Variants in CALN1 observed in about 807,000 individuals in gnomAD.
CALN1 encodes the protein calneuron 1.
In CALN1, 17 loss-of-function variants were observed where a neutral mutation model predicts 30.6. The ratio of observed to expected loss-of-function variants is 0.56; its 90% CI spans 0.38 to 0.83. The LOEUF is 0.83. CALN1 is among the 40% of genes least tolerant of loss of function. The pLI is 0.00. For missense variants in CALN1, 291 were observed against 354.9 expected (o/e 0.82, Z 1.45); for synonymous variants, 156 against 131.4 (o/e 1.19, Z -1.28).
chr7:72,099,756 A>C (rs1806511219), intron 4 of CALN1, among the ~76,000 whole-genome samples: 2 of 152,314 alleles, frequency 1.3e-5, no homozygotes, highest in African/African-American at 4.8e-5. Context: ...ACAAAACTTC[A>C]AGGAAGCTGA....
intron 3 of CALN1, among the ~76,000 whole-genome samples, chr7:72,169,794 A>T (rs1788808948): frequency 1.3e-5 from 2 of 149,020 alleles, no homozygotes; most frequent in South Asian, 4.3e-4. Context: ...GGTTCAAGCA[A>T]TTCTCCCTGC....
intron 4 of CALN1, among the ~76,000 whole-genome samples, chr7:72,090,680 T>C (rs1012389157): frequency 2.6e-5 from 4 of 152,198 alleles, no homozygotes; most frequent in African/African-American, 9.6e-5. Flanking sequence ...TCTATCCAAG[T>C]GTCCATCAAT....
At chr7:72,408,476 C>T (rs1423224912) in intron 1 of CALN1, among the ~76,000 whole-genome samples, 1 of 151,676 alleles carries the variant, frequency 6.6e-6, no homozygotes, top group Non-Finnish European at 1.5e-5. Flanking sequence ...ATAATAAAGA[C>T]AAAGACTCTC....
intron 6 of CALN1, among the ~76,000 whole-genome samples, chr7:71,788,492 T>TTG (rs1491132772): frequency 5.3e-4 from 59 of 111,502 alleles, no homozygotes; most frequent in Non-Finnish European, 1.2e-4. Flanking sequence ...TTTTTTGTTG[T>TTG]TTTTTTTTTT....
chr7:72,154,112 C>T (rs1051748380), intron 3 of CALN1, among the ~76,000 whole-genome samples: 1 of 151,910 alleles, frequency 6.6e-6, no homozygotes, highest in African/African-American at 2.4e-5. Context: ...AAGCCTCAGG[C>T]TAGATCACAG....
chr7:72,106,078 C>G lies in CALN1; in HGVS notation c.388+73G>C, dbSNP rs1295756544. 4 of 1,552,160 alleles carry G rather than the reference C, an allele frequency of 2.6e-6. No individual in the cohort carries two copies. In the African/African-American group the frequency reaches 4.1e-5, roughly 16 times the overall value. The stretch of plus-strand genomic sequence containing the variant: ...TCTCTGGATTTAAAAGTGCAAGGCC[C>G]TGCATAAACCGAAGGTCTCACTGAT... On this transcript the variant is annotated intron_variant, in intron 4 of 6. Transcript: ENST00000395275.
At chr7:72,231,849 A>C in intron 3 of CALN1, among the ~76,000 whole-genome samples, 1 of 152,184 alleles carries the variant, frequency 6.6e-6, no homozygotes, top group East Asian at 1.9e-4. Context: ...AGACTAAGGA[A>C]AAGAGTGATC....
intron 5 of CALN1, among the ~76,000 whole-genome samples, chr7:71,950,323 G>A (rs576686699): frequency 2.9e-4 from 44 of 152,264 alleles, no homozygotes; most frequent in African/African-American, 9.9e-4. Flanking sequence ...GAGGCAGAGG[G>A]ACTCATTCAA....
intron 5 of CALN1, among the ~76,000 whole-genome samples, chr7:71,984,656 G>A (rs1798569844): frequency 6.6e-6 from 1 of 152,046 alleles, no homozygotes; most frequent in Non-Finnish European, 1.5e-5. Flanking sequence ...CCATGGCAGG[G>A]GCTGGTACCC....
chr7:72,394,381 C>T (rs1360315982), intron 2 of CALN1, among the ~76,000 whole-genome samples: 1 of 152,190 alleles, frequency 6.6e-6, no homozygotes, highest in Non-Finnish European at 1.5e-5. Context: ...GTAGCTTTAG[C>T]TATGCTTGCA....
intron 5 of CALN1, among the ~76,000 whole-genome samples, chr7:71,887,017 GGTGA>G (rs926795629): frequency 6.6e-6 from 1 of 152,036 alleles, no homozygotes; most frequent in African/African-American, 2.4e-5. Flanking sequence ...CATCGTAGAG[GGTGA>G]GTGAGATTTT....
chr7:71,788,298 C>T (rs1446215460), intron 6 of CALN1, among the ~76,000 whole-genome samples: 2 of 151,948 alleles, frequency 1.3e-5, no homozygotes, highest in Non-Finnish European at 2.9e-5. Context: ...CTGATACAAA[C>T]AGAGTGGAAG....
At chr7:72,313,715 G>C (rs1395675060) in intron 2 of CALN1, among the ~76,000 whole-genome samples, 1 of 152,030 alleles carries the variant, frequency 6.6e-6, no homozygotes, top group Non-Finnish European at 1.5e-5. Flanking sequence ...AAAATTTAAT[G>C]ATGGGACTAT....
intron 2 of CALN1, among the ~76,000 whole-genome samples, chr7:72,377,436 CGTGTGT>C (rs138060244): frequency 0.24 from 34,298 of 142,352 alleles, 4,774 homozygotes; most frequent in Non-Finnish European, 0.32. Flanking sequence ...GCCACACTTT[CGTGTGT>C]GTGTGTGTGT....
chr7:72,156,253 G>A (rs745424077), intron 3 of CALN1, among the ~76,000 whole-genome samples: 17 of 152,146 alleles, frequency 1.1e-4, no homozygotes, highest in Non-Finnish European at 2.4e-4. Flanking sequence ...ACCAAATAAT[G>A]GAAGATTGTT....
At chr7:72,030,184 A>G (rs1282989422) in intron 4 of CALN1, among the ~76,000 whole-genome samples, 1 of 152,104 alleles carries the variant, frequency 6.6e-6, no homozygotes, top group Admixed American at 6.5e-5. Flanking sequence ...CTTGAGCGTT[A>G]GAGTATTGGG....
At chr7:72,054,560 T>TAA (rs1453458873) in intron 4 of CALN1, among the ~76,000 whole-genome samples, 2 of 142,494 alleles carry the variant, frequency 1.4e-5, no homozygotes, top group Admixed American at 7.1e-5. Context: ...TATATATATA[T>TAA]AATGGAATAC....
chr7:72,010,828 G>T (rs112063335), intron 5 of CALN1, among the ~76,000 whole-genome samples: 1 of 148,072 alleles, frequency 6.8e-6, no homozygotes, highest in South Asian at 2.1e-4. Context: ...GAAAAGAAAA[G>T]AAAAGAAAAA....
chr7:72,000,881 G>A (rs552896409), intron 5 of CALN1, among the ~76,000 whole-genome samples: 25 of 152,320 alleles, frequency 1.6e-4, no homozygotes, highest in East Asian at 7.7e-4. Context: ...CAGCAGGGCC[G>A]GAGAGGGTTC....
Sources: allele counts gnomAD v4.1 joint callset (sites outside exome capture counted in the v4.1 genomes callset), GRCh38; gene constraint gnomAD v4.1.1; transcripts MANE v1.5; gene names NCBI Gene and HGNC (gene_info 2026-07-23, HGNC 2026-07-21).